The following APBB2 variants were observed in gnomAD, a reference collection of about 807,000 sequenced individuals.
APBB2 encodes Fe65-like 1.
A neutral mutation model predicts 82.5 loss-of-function variants in APBB2; 38 were observed. The observed-to-expected ratio is 0.46, with a 90% CI of 0.36 to 0.60. The LOEUF (loss-of-function observed/expected upper bound fraction) is 0.60. Among genes scored for constraint, APBB2 ranks in the 20% least tolerant of loss-of-function variants. The pLI is 0.00. For synonymous variants in APBB2, 341 were observed against 368.2 expected, an observed-to-expected ratio of 0.93 and a Z score of 0.85; for missense variants, 772 against 972.3, an observed-to-expected ratio of 0.79 and a Z score of 2.74.
chr4:41,116,409 C>A (rs973436396), intron 2 of APBB2, among the ~76,000 whole-genome samples: 1 of 152,106 alleles, frequency 6.6e-6, no homozygotes, highest in Non-Finnish European at 1.5e-5. Flanking sequence ...CAAGTGTATA[C>A]CTATGTGGCA....
At chr4:40,893,889 G>A (rs1051526310) in intron 10 of APBB2, among the ~76,000 whole-genome samples, 10 of 152,208 alleles carry the variant, frequency 6.6e-5, no homozygotes, top group African/African-American at 2.4e-4. Context: ...CAGGACAATC[G>A]CTTGAACCCA....
At position 40,994,809 on chromosome 4, in the gene APBB2, C is replaced by T. The variant is rs557733455; in HGVS notation, c.835+18774G>A. Among the ~76,000 whole-genome samples the T allele has an allele frequency of 6.8e-4, 75 of 109,848 alleles. 1 individual carries two copies. The South Asian group carries it at 0.02, about 29-fold the overall frequency. The allele number at this position is 109,848 out of a possible 152,430, so 72.1% of individuals were successfully genotyped here. A position where few individuals can be genotyped will look rare whatever the true frequency, so the allele number is the denominator to read the frequency against. Reference sequence around the variant, plus strand: ...AGCCTGGGGCGACAGAGCAAGACTCCGGAAAAAAAAAAAAAGAAAAGAAAA... The same window carrying T: ...AGCCTGGGGCGACAGAGCAAGACTCTGGAAAAAAAAAAAAAGAAAAGAAAA... On this transcript the variant is annotated intron_variant, in intron 6 of 17. Coordinates refer to ENST00000508593, the MANE Select transcript of APBB2 (RefSeq NM_004307.2).
chr4:41,048,822 G>A (rs899607800), intron 4 of APBB2, among the ~76,000 whole-genome samples: 3 of 152,052 alleles, frequency 2.0e-5, no homozygotes, highest in Non-Finnish European at 2.9e-5. Context: ...GCAGGCGCGC[G>A]CTGCCACGCC....
At position 40,826,916 on chromosome 4, in the gene APBB2, T is replaced by C. The variant is rs771681210; in HGVS notation, c.1732+216A>G. ...GACAATATTCTTTAATCTTGTCCAA[T>C]AACAACAAAACTCATCCTGGCTTTA... On this transcript the variant is annotated intron_variant, in intron 14 of 17. Coordinates refer to ENST00000508593, the MANE Select transcript of APBB2 (RefSeq NM_004307.2). The surrounding 1 kb of genome is among the most constrained non-coding windows in gnomAD (Gnocchi z 4.5). 1.3e-4 allele frequency: 62 copies of C among 475,340 alleles called. No individual in the cohort carries two copies. Among genetic ancestry groups the C allele is most frequent in the Admixed American group, 3.9e-4 (10 of 25,940 alleles). 29.4% of individuals were successfully genotyped at this position (475,340 alleles called of 1,614,324 possible). A position where few individuals can be genotyped will look rare whatever the true frequency, so the allele number is the denominator to read the frequency against.
At chr4:41,199,485 T>C (rs1200494156) in intron 1 of APBB2, among the ~76,000 whole-genome samples, 5 of 152,254 alleles carry the variant, frequency 3.3e-5, no homozygotes, top group Non-Finnish European at 7.3e-5. Flanking sequence ...TGCTAATTTA[T>C]TGTGCACCTC....
chr4:41,016,529 C>T (rs112749531), intron 5 of APBB2, among the ~76,000 whole-genome samples: 4,657 of 151,982 alleles, frequency 0.031, 231 homozygotes, highest in African/African-American at 0.11. Flanking sequence ...GGCATGGTGG[C>T]GCATGCCGGT....
At chr4:40,831,350 C>T (rs953830184) in intron 12 of APBB2, among the ~76,000 whole-genome samples, 2 of 151,354 alleles carry the variant, frequency 1.3e-5, no homozygotes, top group South Asian at 2.1e-4. Context: ...TACAGTGAGC[C>T]GAGACTGTGC....
intron 4 of APBB2, among the ~76,000 whole-genome samples, chr4:41,063,677 GCTTT>G (rs1186366140): frequency 6.6e-6 from 1 of 151,924 alleles, no homozygotes; most frequent in East Asian, 1.9e-4. Context: ...TTCTAACTTT[GCTTT>G]CTTTTTTCTT....
At chr4:41,181,901 AC>A (rs1771472943) in intron 1 of APBB2, among the ~76,000 whole-genome samples, 1 of 148,096 alleles carries the variant, frequency 6.8e-6, no homozygotes, top group Non-Finnish European at 1.5e-5. Flanking sequence ...AGTCGAGATC[AC>A]GCCATTGCAC....
chr4:41,185,350 ACTT>A (rs1430862502), intron 1 of APBB2, among the ~76,000 whole-genome samples: 1 of 152,174 alleles, frequency 6.6e-6, no homozygotes. Context: ...CCTAAGGTTC[ACTT>A]CTTCTCTTGA....
At chr4:41,046,128 G>A (rs1011759846) in intron 4 of APBB2, among the ~76,000 whole-genome samples, 5 of 152,096 alleles carry the variant, frequency 3.3e-5, no homozygotes, top group Non-Finnish European at 7.4e-5. Context: ...ATTCGTAAAT[G>A]AAAACTCTGG....
intron 6 of APBB2, among the ~76,000 whole-genome samples, chr4:40,948,136 G>A (rs1183358772): frequency 6.6e-6 from 1 of 152,206 alleles, no homozygotes; most frequent in African/African-American, 2.4e-5. Context: ...CTGGGCTGGA[G>A]ACCAAGAAAT....
intron 5 of APBB2, among the ~76,000 whole-genome samples, chr4:41,025,361 T>A (rs1713555009): frequency 6.6e-6 from 1 of 151,898 alleles, no homozygotes. Flanking sequence ...AAATAATAGA[T>A]GCTGGTGAGA....
chr4:40,820,671 A>G (rs1309621568), intron 17 of APBB2, among the ~76,000 whole-genome samples: 1 of 152,046 alleles, frequency 6.6e-6, no homozygotes, highest in East Asian at 1.9e-4. Context: ...ATCTCAATAA[A>G]TAAATAAATA....
chr4:41,028,957 G>C (rs2154438886), intron 5 of APBB2, among the ~76,000 whole-genome samples: 1 of 152,166 alleles, frequency 6.6e-6, no homozygotes, highest in Non-Finnish European at 1.5e-5. Flanking sequence ...GTCAAAGAAA[G>C]AGTTTGTGAG....
chr4:41,061,059 CCATGCCT>C (rs1729650632), intron 4 of APBB2, among the ~76,000 whole-genome samples: 1 of 152,132 alleles, frequency 6.6e-6, no homozygotes, highest in Admixed American at 6.5e-5. Flanking sequence ...ATGGTCAGAG[CCATGCCT>C]CAGTTAGATT....
At chr4:41,121,939 G>A (rs1752970902) in intron 2 of APBB2, among the ~76,000 whole-genome samples, 1 of 151,950 alleles carries the variant, frequency 6.6e-6, no homozygotes, top group Non-Finnish European at 1.5e-5. Flanking sequence ...GTATGTGTGT[G>A]TGTCTGAAAC....
intron 3 of APBB2, among the ~76,000 whole-genome samples, chr4:41,075,121 G>A (rs1662701169): frequency 6.6e-6 from 1 of 152,118 alleles, no homozygotes; most frequent in Non-Finnish European, 1.5e-5. Flanking sequence ...CAACAAGAGT[G>A]ACACTCTGTC....
At chr4:41,084,553 A>C (rs903524544) in intron 3 of APBB2, 4 of 152,266 alleles carry the variant, frequency 2.6e-5, no homozygotes, top group Admixed American at 2.6e-4. Flanking sequence ...CCCTGAGATA[A>C]AATGTTTCTG....
Sources: gnomAD v4.1 joint callset for allele counts (sites outside exome capture counted in the v4.1 genomes callset) on GRCh38, gnomAD v4.1.1 for gene constraint, Gnocchi (gnomAD v3.1) non-coding constraint, MANE v1.5 for transcripts, NCBI Gene and HGNC (gene_info 2026-07-23, HGNC 2026-07-21) for gene names.